Variants in SLC9A2 observed in about 807,000 individuals in gnomAD.
The protein encoded by SLC9A2 is sodium/hydrogen exchanger 2.
Under a neutral mutation model 71.7 loss-of-function variants are expected in SLC9A2, and 42 were observed. The observed-to-expected ratio is 0.59, with a 90% CI of 0.46 to 0.76. The LOEUF (loss-of-function observed/expected upper bound fraction) is 0.76. SLC9A2 is among the 30% of genes least tolerant of loss of function. SLC9A2 has a pLI of 0.00. For synonymous variants in SLC9A2, 396 were observed against 392.5 expected (o/e 1.01, Z -0.10); for missense variants, 829 against 1,017.4 (o/e 0.81, Z 2.52).
chr2:102,637,314 G>T (rs966302254), intron 1 of SLC9A2, among the ~76,000 whole-genome samples: 2 of 152,318 alleles, frequency 1.3e-5, no homozygotes, highest in Middle Eastern at 3.4e-3. Flanking sequence ...GCCATCTGTA[G>T]AGTCCTTTTC....
intron 1 of SLC9A2, among the ~76,000 whole-genome samples, chr2:102,627,520 T>C (rs1676272941): frequency 6.6e-6 from 1 of 152,128 alleles, no homozygotes. Context: ...TTATTTTGAG[T>C]TTTTAAAAAT....
chr2:102,644,307 G>GT (rs1437081290), intron 1 of SLC9A2, among the ~76,000 whole-genome samples: 1 of 152,128 alleles, frequency 6.6e-6, no homozygotes, highest in Non-Finnish European at 1.5e-5. Context: ...TTTTCCCTTG[G>GT]TTTTTGCAAC....
chr2:102,637,091 A>C (rs932396603), intron 1 of SLC9A2, among the ~76,000 whole-genome samples: 2 of 152,230 alleles, frequency 1.3e-5, no homozygotes, highest in African/African-American at 4.8e-5. Flanking sequence ...GAATCACCGA[A>C]GATCCGTTGA....
chr2:102,670,491 A>G (rs1677225774), intron 3 of SLC9A2, among the ~76,000 whole-genome samples: 1 of 151,398 alleles, frequency 6.6e-6, no homozygotes, highest in Admixed American at 6.6e-5. Flanking sequence ...ATCGAGGCCC[A>G]GATGGACAAA....
At position 102,619,918 on chromosome 2, in the gene SLC9A2, C is replaced by T; in HGVS notation, c.70C>T (p.Gln24Ter). The T allele has an allele frequency of 1.2e-6, 2 of 1,601,912 alleles. No homozygotes were observed. Among genetic ancestry groups the T allele is most frequent in the Non-Finnish European group, 8.5e-7 (1 of 1,173,714 alleles). Reference sequence around the variant, plus strand: ...TCCGATGCTGTTGCTGCTGCTCCTGCAGGTGGCGGGGCCCGTGGGCGCCCT... The same window carrying T: ...TCCGATGCTGTTGCTGCTGCTCCTGTAGGTGGCGGGGCCCGTGGGCGCCCT... ...LPPMLLLLLL[Q>*]VAGPVGALAE... The change falls in exon 1 of 12, where the codon CAG (glutamine) becomes TAG (stop). Residue 24 changes from glutamine (Q) to a stop codon, truncating the protein, a stop_gained. Coordinates refer to ENST00000233969, the MANE Select transcript of SLC9A2 (RefSeq NM_003048.6). LOFTEE classifies it high-confidence loss of function. This position sits in a 1 kb window ranked among gnomAD's most constrained non-coding sequence, Gnocchi z 4.3.
intron 5 of SLC9A2, among the ~76,000 whole-genome samples, chr2:102,687,972 G>A (rs1044304699): frequency 6.6e-6 from 1 of 152,028 alleles, no homozygotes; most frequent in South Asian, 2.1e-4. Context: ...TAGAGATGCG[G>A]TTTCGCTGTG....
At chr2:102,679,717 T>A (rs1160587999) in intron 3 of SLC9A2, among the ~76,000 whole-genome samples, 1 of 152,258 alleles carries the variant, frequency 6.6e-6, no homozygotes, top group Non-Finnish European at 1.5e-5. Context: ...TAGAAATTGT[T>A]AAATTGCTCA....
chr2:102,683,718 C>A (rs1372422291), intron 4 of SLC9A2, among the ~76,000 whole-genome samples: 1 of 146,702 alleles, frequency 6.8e-6, no homozygotes, highest in African/African-American at 2.5e-5. Flanking sequence ...TCCCTATTAT[C>A]TTCTTCCTCA....
At chr2:102,647,885 G>A (rs956960885) in intron 1 of SLC9A2, among the ~76,000 whole-genome samples, 7 of 152,026 alleles carry the variant, frequency 4.6e-5, no homozygotes, top group African/African-American at 9.7e-5. Context: ...AGGACCAGTC[G>A]GATTCACAGC....
chr2:102,682,847 A>G (rs957212259), intron 3 of SLC9A2, among the ~76,000 whole-genome samples: 1 of 152,246 alleles, frequency 6.6e-6, no homozygotes, highest in African/African-American at 2.4e-5. Flanking sequence ...ATTTTATACA[A>G]TAGAATCCTT....
At chr2:102,623,219 C>T (rs1676177682) in intron 1 of SLC9A2, among the ~76,000 whole-genome samples, 1 of 152,188 alleles carries the variant, frequency 6.6e-6, no homozygotes. Flanking sequence ...CTTTACCTTT[C>T]CTTTCTGCAT....
chr2:102,684,086 T>C (rs760321502), intron 4 of SLC9A2, 48 bp from the exon 5 acceptor site: 1 of 1,366,074 alleles, frequency 7.3e-7, no homozygotes, highest in African/African-American at 1.4e-5. Context: ...TATTTTCATA[T>C]TTTGGCCTCA....
chr2:102,665,336 C>T lies in SLC9A2; in HGVS notation c.990C>T (p.Leu330=). The part of the protein sequence containing the change: ...LSYITAEMFH[L]SGIMAITACA... Reference sequence around the variant, plus strand: ...ACATCACAGCTGAAATGTTTCACCTCTCAGGCATCATGGCGTAAGTACTTC... The same window carrying T: ...ACATCACAGCTGAAATGTTTCACCTTTCAGGCATCATGGCGTAAGTACTTC... The change falls in exon 3 of 12, where the codon CTC becomes CTT. Residue 330 remains leucine (L), a synonymous_variant. Coordinates refer to ENST00000233969, the MANE Select transcript of SLC9A2 (RefSeq NM_003048.6). 6.2e-7 allele frequency: 1 copy of T among 1,612,458 alleles called. No homozygotes were observed. Among genetic ancestry groups the T allele is most frequent in the South Asian group, 1.1e-5 (1 of 91,012 alleles).
At chr2:102,640,153 G>A (rs1156513638) in intron 1 of SLC9A2, among the ~76,000 whole-genome samples, 22 of 152,190 alleles carry the variant, frequency 1.4e-4, no homozygotes, top group African/African-American at 5.1e-4. Context: ...CTAAGGAAAC[G>A]AGCCAGCTCA....
chr2:102,683,777 C>T (rs925956748), intron 4 of SLC9A2, among the ~76,000 whole-genome samples: 1 of 151,774 alleles, frequency 6.6e-6, no homozygotes, highest in Non-Finnish European at 1.5e-5. Context: ...TCTCACCTTC[C>T]TCTGCCTCTT....
At chr2:102,621,899 C>T (rs1196594281) in intron 1 of SLC9A2, among the ~76,000 whole-genome samples, 1 of 152,132 alleles carries the variant, frequency 6.6e-6, no homozygotes, top group Non-Finnish European at 1.5e-5. Context: ...TGAACAAAGA[C>T]ATAAATTGGG....
chr2:102,621,239 G>T (rs1226592692), intron 1 of SLC9A2, among the ~76,000 whole-genome samples: 2 of 151,478 alleles, frequency 1.3e-5, no homozygotes, highest in Non-Finnish European at 2.9e-5. Context: ...GGAGGCTGAG[G>T]CGGGAGCCTG....
intron 2 of SLC9A2, among the ~76,000 whole-genome samples, chr2:102,662,194 T>C (rs943827808): frequency 2.6e-5 from 4 of 152,224 alleles, no homozygotes; most frequent in Non-Finnish European, 5.9e-5. Context: ...TCTTAACTCT[T>C]TGCAGAGTCT....
chr2:102,688,009 G>C (rs1677582287), intron 5 of SLC9A2, among the ~76,000 whole-genome samples: 2 of 151,982 alleles, frequency 1.3e-5, no homozygotes, highest in African/African-American at 2.4e-5. Flanking sequence ...TGAATTCCTG[G>C]CCTCAAGTAA....
Sources: gnomAD v4.1 joint callset for allele counts (sites outside exome capture counted in the v4.1 genomes callset) on GRCh38, gnomAD v4.1.1 for gene constraint, Gnocchi (gnomAD v3.1) non-coding constraint, MANE v1.5 for transcripts, NCBI Gene and HGNC (gene_info 2026-07-23, HGNC 2026-07-21) for gene names.